Variants in PLD5 observed in about 807,000 individuals in gnomAD.
PLD5 encodes the protein phospholipase D family member 5, also known as inactive phospholipase D5.
A neutral mutation model predicts 61.1 loss-of-function variants in PLD5; 36 were observed. That is an observed-to-expected ratio of 0.59 (90% CI 0.45 to 0.78). The LOEUF is 0.78. Ranked by LOEUF, PLD5 falls within the 30% of genes least tolerant of loss-of-function variation. PLD5 has a pLI of 0.00. For synonymous variants in PLD5, 243 were observed against 242.8 expected (o/e 1.00, Z -0.01); for missense variants, 515 against 644.4 (o/e 0.80, Z 2.17).
Position 242,124,541 on chromosome 1 carries a change from A to T in PLD5, c.860T>A (p.Leu287His). 1.9e-6 allele frequency: 3 copies of T among 1,614,148 alleles called. No individual in the cohort carries two copies. Residue 287 changes from leucine to histidine, a missense_variant, in exon 6 of 10, where the codon CTC (leucine) becomes CAC (histidine). Coordinates refer to ENST00000536534, the MANE Select transcript of PLD5 (RefSeq NM_001372062.1). Reference sequence around the variant, plus strand: ...CTTTTCATTGTCATAGACTCCATAGAGTCTTTTGGACCAGGTTTGAGGCAC... The same window carrying T: ...CTTTTCATTGTCATAGACTCCATAGTGTCTTTTGGACCAGGTTTGAGGCAC... ...SRVPQTWSKR[L>H]YGVYDNEKKL...
upstream of PLD5, among the ~76,000 whole-genome samples, chr1:242,529,214 T>C (rs550439885): frequency 2.6e-5 from 4 of 152,362 alleles, no homozygotes; most frequent in South Asian, 8.3e-4. Context: ...AGCATTAATA[T>C]GAGAAGGGTC....
At chr1:242,287,227 T>C (rs1675077081) in intron 3 of PLD5, among the ~76,000 whole-genome samples, 1 of 152,102 alleles carries the variant, frequency 6.6e-6, no homozygotes, top group East Asian at 1.9e-4. Context: ...AGGAAAGCCA[T>C]CCAGGATTCT....
At chr1:242,106,487 AAC>A (rs1390488601) in intron 8 of PLD5, among the ~76,000 whole-genome samples, 1 of 152,208 alleles carries the variant, frequency 6.6e-6, no homozygotes, top group Non-Finnish European at 1.5e-5. Context: ...TCACCCTGGA[AAC>A]ACAGCTGACT....
chr1:242,220,402 G>A (rs545723890), intron 4 of PLD5, among the ~76,000 whole-genome samples: 167 of 152,278 alleles, frequency 1.1e-3, no homozygotes, highest in Non-Finnish European at 1.9e-3. Context: ...ACAAGACCAC[G>A]GCTTCTCAAC....
chr1:242,156,094 C>T (rs1359914834), intron 5 of PLD5, among the ~76,000 whole-genome samples: 2 of 152,158 alleles, frequency 1.3e-5, no homozygotes. Context: ...GATCCCTTTA[C>T]CATTATGTAA....
At chr1:242,250,395 G>T (rs1672634397) in intron 4 of PLD5, among the ~76,000 whole-genome samples, 1 of 152,200 alleles carries the variant, frequency 6.6e-6, no homozygotes, top group Admixed American at 6.5e-5. Context: ...GCCCTGGAAG[G>T]TGAAGGGGAA....
intron 5 of PLD5, among the ~76,000 whole-genome samples, chr1:242,149,363 C>T (rs1232274721): frequency 1.3e-5 from 2 of 151,760 alleles, no homozygotes; most frequent in African/African-American, 2.4e-5. Context: ...ATTTTTTATA[C>T]ATTGTTGCAT....
chr1:242,362,826 C>A (rs541646244), intron 1 of PLD5, among the ~76,000 whole-genome samples: 6 of 151,938 alleles, frequency 3.9e-5, no homozygotes, highest in African/African-American at 1.5e-4. Context: ...TCCTGAGGGA[C>A]TTTAATTTAC....
chr1:242,166,428 TCAAAA>T (rs1401098780), intron 5 of PLD5, among the ~76,000 whole-genome samples: 2 of 152,034 alleles, frequency 1.3e-5, no homozygotes, highest in African/African-American at 2.4e-5. Context: ...CTGGGCCCTC[TCAAAA>T]CAACACTTGC....
intron 1 of PLD5, among the ~76,000 whole-genome samples, chr1:242,466,710 T>C (rs188344178): frequency 2.7e-4 from 41 of 152,194 alleles, no homozygotes; most frequent in African/African-American, 9.6e-4. Context: ...CTGGCCAACA[T>C]GGTGAAACCC....
chr1:242,169,810 C>T (rs1042011535), intron 5 of PLD5, among the ~76,000 whole-genome samples: 7 of 152,158 alleles, frequency 4.6e-5, no homozygotes, highest in African/African-American at 1.7e-4. Flanking sequence ...GTAAACAAAG[C>T]AGCCAGGAAG....
intron 1 of PLD5, among the ~76,000 whole-genome samples, chr1:242,381,417 G>A (rs550541805): frequency 6.6e-6 from 1 of 152,136 alleles, no homozygotes; most frequent in Non-Finnish European, 1.5e-5. Flanking sequence ...GGAGGGGGAA[G>A]GAGGCAGGAA....
intron 5 of PLD5, among the ~76,000 whole-genome samples, chr1:242,191,630 A>G (rs1668294798): frequency 6.6e-6 from 1 of 152,166 alleles, no homozygotes; most frequent in Non-Finnish European, 1.5e-5. Flanking sequence ...AAAACTCTGC[A>G]GAAAAAGGAA....
chr1:242,296,560 G>A (rs933447764), intron 2 of PLD5, among the ~76,000 whole-genome samples: 1 of 152,176 alleles, frequency 6.6e-6, no homozygotes, highest in African/African-American at 2.4e-5. Flanking sequence ...TCTAGACATG[G>A]AAATAGTTGA....
intron 1 of PLD5, among the ~76,000 whole-genome samples, chr1:242,478,117 C>T (rs1667655278): frequency 6.6e-6 from 1 of 152,138 alleles, no homozygotes; most frequent in South Asian, 2.1e-4. Context: ...TTGTAGAATG[C>T]CATTAAATCT....
At chr1:242,130,512 C>T (rs539712542) in intron 5 of PLD5, among the ~76,000 whole-genome samples, 42 of 152,268 alleles carry the variant, frequency 2.8e-4, no homozygotes, top group African/African-American at 3.9e-4. Context: ...TTTAGTTCTT[C>T]GAGAAATCTC....
chr1:242,475,347 C>T (rs372739964), intron 1 of PLD5, among the ~76,000 whole-genome samples: 10 of 141,622 alleles, frequency 7.1e-5, no homozygotes, highest in African/African-American at 1.9e-4. Flanking sequence ...GGCGTGAACC[C>T]GGGAAGCGGA....
At chr1:242,394,049 C>G (rs1174021561) in intron 1 of PLD5, among the ~76,000 whole-genome samples, 9 of 140,002 alleles carry the variant, frequency 6.4e-5, no homozygotes, top group African/African-American at 2.1e-4. Context: ...AAGACGACGA[C>G]TCCATCTCAA....
rs112218849 is a variant in PLD5, at chr1:242,494,148, G to A, written c.189+29940C>T. On this transcript the variant is annotated intron_variant, in intron 1 of 9. Coordinates refer to ENST00000536534, the MANE Select transcript of PLD5 (RefSeq NM_001372062.1). ...CCCCTCTCCTCCCCTCTCCTCTCTCGATTCTAAGTTTTGGTGTCCTTCCTG... is the reference window on the plus strand; with the variant it reads ...CCCCTCTCCTCCCCTCTCCTCTCTCAATTCTAAGTTTTGGTGTCCTTCCTG... Among the ~76,000 whole-genome samples the A allele has an allele frequency of 7.2e-3, 846 of 117,852 alleles. 2 individuals carry two copies. Among genetic ancestry groups the A allele is most frequent in the Admixed American group, 0.018 (171 of 9,250 alleles). The allele number at this position is 117,852 out of a possible 152,430, so 77.3% of individuals were successfully genotyped here. A position where few individuals can be genotyped will look rare whatever the true frequency, so the allele number is the denominator to read the frequency against.
Sources: allele counts gnomAD v4.1 joint callset (sites outside exome capture counted in the v4.1 genomes callset), GRCh38; gene constraint gnomAD v4.1.1; transcripts MANE v1.5; gene names NCBI Gene and HGNC (gene_info 2026-07-23, HGNC 2026-07-21).